Variants in KAT6B observed in about 807,000 individuals in gnomAD.
KAT6B encodes histone acetyltransferase KAT6B.
KAT6B carries 10 observed loss-of-function variants against 187.5 expected under a neutral mutation model. The ratio of observed to expected loss-of-function variants is 0.05; its 90% confidence interval spans 0.03 to 0.09. The LOEUF is 0.09. Ranked by LOEUF, KAT6B falls within the 10% of genes least tolerant of loss-of-function variation. The pLI is 1.00. For missense variants in KAT6B, 1,952 were observed against 2,558.9 expected (o/e 0.76, Z 5.12); for synonymous variants, 861 against 926.8 (o/e 0.93, Z 1.29).
intron 3 of KAT6B, among the ~76,000 whole-genome samples, chr10:74,850,039 C>T (rs745334231): frequency 4.5e-4 from 69 of 151,772 alleles, no homozygotes; most frequent in African/African-American, 1.0e-3. Context: ...TCCGGGTTCA[C>T]GCCATTCTCC....
At chr10:74,890,825 A>G (rs1342657846) in intron 3 of KAT6B, among the ~76,000 whole-genome samples, 1 of 152,172 alleles carries the variant, frequency 6.6e-6, no homozygotes, top group Non-Finnish European at 1.5e-5. Flanking sequence ...TAAGGATTTT[A>G]TGATATATGT....
intron 3 of KAT6B, among the ~76,000 whole-genome samples, chr10:74,902,276 C>T (rs1339736973): frequency 2.6e-5 from 4 of 152,272 alleles, no homozygotes; most frequent in Admixed American, 2.0e-4. Context: ...TCCTTGTTCA[C>T]GTTCCAGTTA....
At chr10:74,884,592 G>A (rs574846689) in intron 3 of KAT6B, among the ~76,000 whole-genome samples, 1 of 151,348 alleles carries the variant, frequency 6.6e-6, no homozygotes, top group Non-Finnish European at 1.5e-5. Flanking sequence ...TTTTGGAGAC[G>A]GAGTTTCACT....
intron 12 of KAT6B, among the ~76,000 whole-genome samples, chr10:74,987,546 A>G (rs889957014): frequency 6.6e-6 from 1 of 152,252 alleles, no homozygotes; most frequent in African/African-American, 2.4e-5. Flanking sequence ...TTAGAACTAC[A>G]GTTCAAGGAT....
intron 13 of KAT6B, among the ~76,000 whole-genome samples, chr10:74,989,557 G>T (rs1350820450): frequency 3.3e-5 from 5 of 152,172 alleles, no homozygotes; most frequent in Non-Finnish European, 7.4e-5. Flanking sequence ...TTTCTAGGCA[G>T]CTTATCCTGG....
chr10:74,899,682 C>T (rs1846249026), intron 3 of KAT6B, among the ~76,000 whole-genome samples: 1 of 152,172 alleles, frequency 6.6e-6, no homozygotes, highest in South Asian at 2.1e-4. Flanking sequence ...ACTCAATAGT[C>T]ACCCTTTTTT....
At position 74,865,269 on chromosome 10, in the gene KAT6B, T is replaced by C. The variant is rs1240082805; in HGVS notation, c.621+21791T>C. 4.6e-5 allele frequency among the ~76,000 whole-genome samples: 7 copies of C among 152,370 alleles called. No homozygotes were observed. In the East Asian group the frequency reaches 1.3e-3, roughly 29 times the overall value. On this transcript the variant is annotated intron_variant, in intron 3 of 17. Transcript: ENST00000287239. Reference sequence around the variant, plus strand: ...TACTGTATAGTTTGACAGTGGTCTTTTGATTTGCTCAGTCCTTTTTCAGGG... The same window carrying C: ...TACTGTATAGTTTGACAGTGGTCTTCTGATTTGCTCAGTCCTTTTTCAGGG...
chr10:74,912,612 CTCTT>C (rs1246438176), intron 3 of KAT6B, among the ~76,000 whole-genome samples: 6 of 152,322 alleles, frequency 3.9e-5, no homozygotes, highest in Non-Finnish European at 7.3e-5. Context: ...CTATCCCTCC[CTCTT>C]TCTTTAACAT....
chr10:74,893,754 G>A (rs373776616), intron 3 of KAT6B, among the ~76,000 whole-genome samples: 37 of 151,778 alleles, frequency 2.4e-4, no homozygotes, highest in Non-Finnish European at 5.3e-4. Context: ...ATAGGCATGA[G>A]CCACCACGCC....
At chr10:74,913,723 C>T (rs1847422517) in intron 3 of KAT6B, among the ~76,000 whole-genome samples, 2 of 152,168 alleles carry the variant, frequency 1.3e-5, no homozygotes, top group Admixed American at 1.3e-4. Flanking sequence ...ACTTGTGTGC[C>T]CACGGTCCAC....
In KAT6B at chr10:74,877,358, G is replaced by A. The variant is rs180771563; in HGVS notation, c.621+33880G>A. ...TATCAAAATAATTTAGGAAAAGGGG[G>A]GCTGATTTTGCCAAAATTTGGGAGA... is the stretch of plus-strand genomic sequence containing the variant. On this transcript the variant is annotated intron_variant, in intron 3 of 17. Coordinates refer to ENST00000287239, the MANE Select transcript of KAT6B (RefSeq NM_012330.4). Among the ~76,000 whole-genome samples, 353 of 152,218 alleles carry A rather than the reference G, an allele frequency of 2.3e-3. 2 individuals carry two copies. The highest frequency in any genetic ancestry group is 3.7e-3 in the Non-Finnish European group (250 of 67,996).
chr10:74,940,183 C>A (rs1457626389), intron 3 of KAT6B, among the ~76,000 whole-genome samples: 1 of 151,976 alleles, frequency 6.6e-6, no homozygotes, highest in Non-Finnish European at 1.5e-5. Flanking sequence ...TTTAAGAAAA[C>A]CATGTGTATG....
Position 74,847,860 on chromosome 10 carries a change from A to G in KAT6B, c.621+4382A>G, listed in dbSNP as rs1275904133. ...GGTGGGTATCCCACAAATCCTCTGAAATAGAGTGTGAAGTCATGTGTGTGT... is the reference window on the plus strand; with the variant it reads ...GGTGGGTATCCCACAAATCCTCTGAGATAGAGTGTGAAGTCATGTGTGTGT... On this transcript the variant is annotated intron_variant, in intron 3 of 17. Transcript: ENST00000287239. Among the ~76,000 whole-genome samples, 4 of 151,790 alleles carry G rather than the reference A, an allele frequency of 2.6e-5. No individual in the cohort carries two copies. The East Asian group carries it at 7.7e-4, about 29-fold the overall frequency.
intron 3 of KAT6B, among the ~76,000 whole-genome samples, chr10:74,852,616 A>G (rs551147179): frequency 3.9e-5 from 6 of 152,192 alleles, no homozygotes; most frequent in Admixed American, 1.3e-4. Flanking sequence ...GAGTCTTTCT[A>G]TTGTACTCTG....
intron 13 of KAT6B, among the ~76,000 whole-genome samples, chr10:75,013,480 T>C (rs1435261963): frequency 6.6e-6 from 1 of 152,112 alleles, no homozygotes; most frequent in Non-Finnish European, 1.5e-5. Flanking sequence ...GAATGGTTTT[T>C]AGGTTCCTCA....
At chr10:74,910,119 A>T (rs1420975954) in intron 3 of KAT6B, among the ~76,000 whole-genome samples, 1 of 139,690 alleles carries the variant, frequency 7.2e-6, no homozygotes. Context: ...GAGAAGCCCC[A>T]TCTCTACTAA....
chr10:75,020,504 A>T, intron 13 of KAT6B, 78 bp from the exon 14 acceptor site: 1 of 977,890 alleles, frequency 1.0e-6, no homozygotes, highest in Non-Finnish European at 1.6e-6. Context: ...GTCACTACTC[A>T]TATTATTTCT....
Position 75,029,265 on chromosome 10 carries a change from C to G in KAT6B, c.4441C>G (p.Leu1481Val), listed in dbSNP as rs567260713. The G allele has an allele frequency of 1.9e-4, 304 of 1,614,162 alleles. 3 individuals are homozygous for G. The South Asian group carries it at 3.2e-3, about 17-fold the overall frequency. The part of the protein sequence containing the change: ...PEVLMDCGVD[L>V]TASCNSEPKE... The stretch of plus-strand genomic sequence containing the variant: ...GGTCTTAATGGACTGTGGCGTCGAC[C>G]TGACAGCTTCTTGTAACAGTGAGCC... Residue 1481 changes from leucine (L) to valine (V), a missense_variant, in exon 18 of 18, where the codon CTG (leucine) becomes GTG (valine). Leu to Val is a conservative substitution (Grantham distance 32, BLOSUM62 1). Coordinates refer to ENST00000287239, the MANE Select transcript of KAT6B (RefSeq NM_012330.4). The surrounding 1 kb of genome is among the most constrained non-coding windows in gnomAD (Gnocchi z 6.2).
intron 3 of KAT6B, among the ~76,000 whole-genome samples, chr10:74,948,528 G>A (rs1840096567): frequency 6.6e-6 from 1 of 152,200 alleles, no homozygotes; most frequent in Non-Finnish European, 1.5e-5. Flanking sequence ...TGAGTTGCCT[G>A]TGTCTCCTGA....
Sources: allele counts gnomAD v4.1 joint callset (sites outside exome capture counted in the v4.1 genomes callset), GRCh38; gene constraint gnomAD v4.1.1; non-coding constraint Gnocchi (gnomAD v3.1); transcripts MANE v1.5; gene names NCBI Gene and HGNC (gene_info 2026-07-23, HGNC 2026-07-21).